The following SMYD3 variants were observed in gnomAD, a reference collection of about 807,000 sequenced individuals.
SMYD3 encodes SET and MYND domain containing 3.
A neutral mutation model predicts 57.7 loss-of-function variants in SMYD3; 36 were observed. That is an observed-to-expected ratio of 0.62 (90% CI 0.48 to 0.82). The LOEUF is 0.82. Among genes scored for constraint, SMYD3 ranks in the 40% least tolerant of loss-of-function variants. SMYD3 has a pLI of 0.00. For synonymous variants in SMYD3, 211 were observed against 195.0 expected (o/e 1.08, Z -0.68); for missense variants, 515 against 538.8 (o/e 0.96, Z 0.44).
intron 1 of SMYD3, among the ~76,000 whole-genome samples, chr1:246,376,112 C>T (rs536474268): frequency 9.9e-5 from 15 of 151,906 alleles, no homozygotes; most frequent in East Asian, 9.7e-4. Context: ...TATTTTGACA[C>T]GTGATAAAGG....
chr1:245,806,834 C>T (rs541839336), intron 10 of SMYD3, among the ~76,000 whole-genome samples: 11 of 139,634 alleles, frequency 7.9e-5, no homozygotes, highest in South Asian at 4.7e-4. Context: ...GGCGTGAACC[C>T]GGGAGGCGGA....
At chr1:246,180,688 G>A (rs768958016) in intron 5 of SMYD3, among the ~76,000 whole-genome samples, 1 of 137,208 alleles carries the variant, frequency 7.3e-6, no homozygotes, top group Non-Finnish European at 1.5e-5. Flanking sequence ...GAACCTGGGA[G>A]GCAGTGCTTG....
At chr1:246,409,734 G>C (rs191557108) in intron 1 of SMYD3, among the ~76,000 whole-genome samples, 19 of 152,218 alleles carry the variant, frequency 1.2e-4, no homozygotes, top group African/African-American at 4.3e-4. Context: ...TAGCTTGATG[G>C]GGATGGCATT....
At chr1:245,865,992 AGGATGACATAAG>A (rs1362801516) in intron 8 of SMYD3, among the ~76,000 whole-genome samples, 1 of 26,104 alleles carries the variant, frequency 3.8e-5, no homozygotes, top group South Asian at 1.2e-3. Context: ...GCCAGTGTGA[AGGATGACATAAG>A]GGTGAGGAAC....
At chr1:245,832,244 T>A (rs2049878461) in intron 10 of SMYD3, among the ~76,000 whole-genome samples, 1 of 152,234 alleles carries the variant, frequency 6.6e-6, no homozygotes, top group South Asian at 2.1e-4. Flanking sequence ...GATGTCTGCC[T>A]AGCACAATCC....
chr1:245,798,417 T>TACACACACACACACACAC (rs1327910170), intron 10 of SMYD3, among the ~76,000 whole-genome samples: 1 of 30,730 alleles, frequency 3.3e-5, no homozygotes, highest in African/African-American at 1.7e-4. Context: ...TACACACACA[T>TACACACACACACACACAC]ACACACCCCC....
chr1:245,947,428 A>G (rs2057462225), intron 5 of SMYD3: 2 of 456,874 alleles, frequency 4.4e-6, no homozygotes, highest in Non-Finnish European at 8.8e-6. Context: ...AACGAACCCA[A>G]TTGTTTCCTG....
intron 1 of SMYD3, among the ~76,000 whole-genome samples, chr1:246,464,928 G>A (rs2103042912): frequency 1.3e-5 from 2 of 152,326 alleles, no homozygotes; most frequent in South Asian, 4.1e-4. Flanking sequence ...TGGGAAACTT[G>A]AGATTGTCAT....
At chr1:245,838,175 A>G (rs2050194961) in intron 10 of SMYD3, among the ~76,000 whole-genome samples, 1 of 152,238 alleles carries the variant, frequency 6.6e-6, no homozygotes. Context: ...TTATTTCACA[A>G]CTAAAATTGC....
At chr1:245,800,743 C>T (rs1454023384) in intron 10 of SMYD3, among the ~76,000 whole-genome samples, 1 of 152,160 alleles carries the variant, frequency 6.6e-6, no homozygotes, top group East Asian at 1.9e-4. Context: ...TAGTGGACAT[C>T]CCAACACCAT....
chr1:246,395,521 G>A (rs1425244406), intron 1 of SMYD3, among the ~76,000 whole-genome samples: 1 of 152,192 alleles, frequency 6.6e-6, no homozygotes, highest in Non-Finnish European at 1.5e-5. Context: ...GCTGTTACGT[G>A]CCTCTCACAA....
intron 5 of SMYD3, among the ~76,000 whole-genome samples, chr1:246,224,530 G>C (rs1235183952): frequency 2.6e-5 from 4 of 151,922 alleles, no homozygotes; most frequent in Non-Finnish European, 4.4e-5. Flanking sequence ...TGTAATGGAA[G>C]TCGATGGAAG....
chr1:246,406,425 C>T (rs910444378), intron 1 of SMYD3, among the ~76,000 whole-genome samples: 4 of 152,106 alleles, frequency 2.6e-5, no homozygotes, highest in African/African-American at 7.2e-5. Context: ...TAAAAAATAT[C>T]GGAGCTCTGG....
intron 5 of SMYD3, among the ~76,000 whole-genome samples, chr1:246,144,738 C>A (rs938296360): frequency 6.6e-6 from 1 of 152,120 alleles, no homozygotes; most frequent in Non-Finnish European, 1.5e-5. Context: ...TTTTGCATAA[C>A]TAATAACCTT....
intron 10 of SMYD3, among the ~76,000 whole-genome samples, chr1:245,776,384 T>A (rs1348335509): frequency 6.6e-6 from 1 of 152,188 alleles, no homozygotes; most frequent in Non-Finnish European, 1.5e-5. Flanking sequence ...CCCATACCTT[T>A]TCCTTGTTTG....
chr1:245,859,839 C>T (rs544586942), intron 9 of SMYD3, among the ~76,000 whole-genome samples: 53 of 152,190 alleles, frequency 3.5e-4, no homozygotes, highest in Non-Finnish European at 6.6e-4. Flanking sequence ...CTAATCGAGT[C>T]CTGTCATTTA....
intron 5 of SMYD3, among the ~76,000 whole-genome samples, chr1:246,108,362 A>G (rs1159079482): frequency 1.3e-5 from 2 of 152,200 alleles, no homozygotes; most frequent in Admixed American, 1.3e-4. Flanking sequence ...CTATGAATAC[A>G]GGTATCACAT....
chr1:245,759,663 G>A (rs1375172818), intron 11 of SMYD3, among the ~76,000 whole-genome samples: 1 of 152,198 alleles, frequency 6.6e-6, no homozygotes, highest in African/African-American at 2.4e-5. Context: ...GCGGCCTGGT[G>A]CTGTCTGTTG....
intron 5 of SMYD3, among the ~76,000 whole-genome samples, chr1:246,020,887 T>C (rs556317230): frequency 6.6e-6 from 1 of 152,264 alleles, no homozygotes; most frequent in East Asian, 1.9e-4. Flanking sequence ...AATCTGAAAC[T>C]CATCATTCAT....
Sources: gnomAD v4.1 joint callset for allele counts (sites outside exome capture counted in the v4.1 genomes callset) on GRCh38, gnomAD v4.1.1 for gene constraint, MANE v1.5 for transcripts, NCBI Gene and HGNC (gene_info 2026-07-23, HGNC 2026-07-21) for gene names.